The following PDZD2 variants were observed in gnomAD, a reference collection of about 807,000 sequenced individuals.
The protein encoded by PDZD2 is PDZ domain containing 2.
Under a neutral mutation model 220.7 loss-of-function variants are expected in PDZD2, and 90 were observed. That is an observed-to-expected ratio of 0.41 (90% CI 0.34 to 0.49). The LOEUF (loss-of-function observed/expected upper bound fraction) is 0.49. Ranked by LOEUF, PDZD2 falls within the 20% of genes least tolerant of loss-of-function variation. The pLI is 0.28. For missense variants in PDZD2, 3,174 were observed against 3,608.5 expected, an observed-to-expected ratio of 0.88 and a Z score of 3.08; for synonymous variants, 1,375 against 1,450.5, an observed-to-expected ratio of 0.95 and a Z score of 1.18.
At chr5:31,706,300 C>T (rs1230529481) in intron 1 of PDZD2, among the ~76,000 whole-genome samples, 1 of 152,118 alleles carries the variant, frequency 6.6e-6, no homozygotes, top group Admixed American at 6.6e-5. Flanking sequence ...ATAGGTTCAG[C>T]AAAGACCTCA....
In PDZD2 at chr5:32,110,437, A is replaced by AGAT. The variant is rs1222613904; in HGVS notation, c.*2303_*2305dup. The stretch of plus-strand genomic sequence containing the variant: ...GCTAAACTGTCTTTGACCCTAAGAT[A>AGAT]GATAGAAAGCTATTTATTTGTCTTC... On this transcript the variant is annotated 3_prime_UTR_variant, in exon 25 of 25. Coordinates refer to ENST00000438447, the MANE Select transcript of PDZD2 (RefSeq NM_178140.4). 1.3e-5 allele frequency: 2 copies of AGAT among 152,678 alleles called. No individual in the cohort carries two copies. The highest frequency in any genetic ancestry group is 2.1e-4 in the South Asian group (1 of 4,834). 9.5% of individuals were successfully genotyped at this position (152,678 alleles called of 1,614,324 possible).
intron 24 of PDZD2, among the ~76,000 whole-genome samples, chr5:32,102,374 CT>C (rs1481438553): frequency 6.6e-6 from 1 of 151,804 alleles, no homozygotes; most frequent in Non-Finnish European, 1.5e-5. Context: ...GGCCTGGGAC[CT>C]GCTCTTTTGC....
At position 31,972,775 on chromosome 5, in the gene PDZD2, AAG is replaced by A. The variant is rs1190733377; in HGVS notation, c.477-10379_477-10378del. Among the ~76,000 whole-genome samples, 16 of 152,288 alleles carry A rather than the reference AAG, an allele frequency of 1.1e-4. No individual in the cohort carries two copies. The South Asian group carries it at 2.9e-3, about 28-fold the overall frequency. On this transcript the variant is annotated intron_variant, in intron 2 of 24. Coordinates refer to ENST00000438447, the MANE Select transcript of PDZD2 (RefSeq NM_178140.4). Reference sequence around the variant, plus strand: ...GAGACTGACTCAATCATGTACAGCAAAGTCTGACTCCCACCACTCCCTGTTGT... The same window carrying A: ...GAGACTGACTCAATCATGTACAGCAATCTGACTCCCACCACTCCCTGTTGT...
At chr5:32,056,017 T>C (rs1739052410) in intron 10 of PDZD2, among the ~76,000 whole-genome samples, 1 of 152,262 alleles carries the variant, frequency 6.6e-6, no homozygotes, top group Non-Finnish European at 1.5e-5. Flanking sequence ...TTTTTTCATA[T>C]GTGTTCATTT....
chr5:31,729,811 CT>C (rs1348549152), intron 1 of PDZD2, among the ~76,000 whole-genome samples: 1 of 148,044 alleles, frequency 6.8e-6, no homozygotes, highest in Non-Finnish European at 1.5e-5. Context: ...AGAGTTACTT[CT>C]GTTGTTTTGT....
At chr5:31,852,013 C>T (rs1038264912) in intron 2 of PDZD2, among the ~76,000 whole-genome samples, 1 of 152,048 alleles carries the variant, frequency 6.6e-6, no homozygotes, top group East Asian at 1.9e-4. Context: ...CCCACCACCA[C>T]ACCTGGCTAA....
chr5:31,752,069 G>GTTTTTTT (rs1491302993), intron 1 of PDZD2, among the ~76,000 whole-genome samples: 9 of 95,848 alleles, frequency 9.4e-5, no homozygotes, highest in Admixed American at 1.5e-4. Context: ...ATTGTTTTGG[G>GTTTTTTT]TTTGTTTTTT....
At chr5:31,752,582 T>G (rs537388933) in intron 1 of PDZD2, among the ~76,000 whole-genome samples, 21 of 113,434 alleles carry the variant, frequency 1.9e-4, no homozygotes, top group South Asian at 1.5e-3. Flanking sequence ...AAAATAGGCG[T>G]TTTTTTTTCC....
rs189144993 is a variant in PDZD2 at position 32,102,458 on chromosome 5, C to T, written c.8353+1219C>T. Among the ~76,000 whole-genome samples the T allele has an allele frequency of 1.6e-3, 235 of 151,208 alleles. 2 individuals are homozygous for T. Among genetic ancestry groups the T allele is most frequent in the Admixed American group, 0.01 (152 of 15,184 alleles). ...GGATAGGCTGCCTGCTCCCAACGCC[C>T]GGAGCAAGCAGAAGACAGGCATAAA... is the stretch of plus-strand genomic sequence containing the variant. On this transcript the variant is annotated intron_variant, in intron 24 of 24. Coordinates refer to ENST00000438447, the MANE Select transcript of PDZD2 (RefSeq NM_178140.4).
intron 8 of PDZD2, among the ~76,000 whole-genome samples, chr5:32,048,890 C>G (rs1738240984): frequency 2.6e-5 from 4 of 152,116 alleles, no homozygotes; most frequent in Admixed American, 2.6e-4. Flanking sequence ...CATTGGATCT[C>G]AAAATGTTCA....
intron 2 of PDZD2, among the ~76,000 whole-genome samples, chr5:31,814,690 T>A (rs1157552387): frequency 6.7e-6 from 1 of 149,810 alleles, no homozygotes; most frequent in Non-Finnish European, 1.5e-5. Flanking sequence ...AGGTGGTGGG[T>A]GCCTGTAATC....
chr5:31,814,029 A>T (rs749400897), intron 2 of PDZD2, among the ~76,000 whole-genome samples: 2 of 152,222 alleles, frequency 1.3e-5, no homozygotes, highest in Non-Finnish European at 2.9e-5. Context: ...TTTTAAATAA[A>T]AAAGATTTTT....
In PDZD2 at chr5:32,035,354, A is replaced by C. The variant is rs185878058; in HGVS notation, c.1408-1877A>C. On this transcript the variant is annotated intron_variant, in intron 6 of 24. Transcript: ENST00000438447. ...CGGCTCACTGCAACCTGCGCCTCCC[A>C]GGTTCAAGTGATTCTCCAGCCTTAG... is the stretch of plus-strand genomic sequence containing the variant. Among the ~76,000 whole-genome samples, 26 of 151,750 alleles carry C rather than the reference A, an allele frequency of 1.7e-4. No homozygotes were observed. The East Asian group carries it at 4.8e-3, about 28-fold the overall frequency.
rs1017643506 is a variant in PDZD2 at position 32,090,831 on chromosome 5, T to C, written c.7383T>C (p.Pro2461=). 1.5e-5 allele frequency: 25 copies of C among 1,614,070 alleles called. No individual in the cohort carries two copies. The highest frequency in any genetic ancestry group is 1.9e-5 in the Non-Finnish European group (23 of 1,180,008). ...IPTPTMTLAS[P]VKRNKSSVRH... is the part of the protein sequence containing the mutation. ...CCCCAACGATGACCCTGGCTTCTCCTGTTAAGAGGAACAAGTCCTCGGTAC... is the reference window on the plus strand; with the variant it reads ...CCCCAACGATGACCCTGGCTTCTCCCGTTAAGAGGAACAAGTCCTCGGTAC... The change falls in exon 20 of 25, where the codon CCT becomes CCC. Residue 2461 remains proline, a synonymous_variant. Coordinates refer to ENST00000438447, the MANE Select transcript of PDZD2 (RefSeq NM_178140.4). The surrounding 1 kb of genome is among the most constrained non-coding windows in gnomAD (Gnocchi z 4.3).
intron 3 of PDZD2, among the ~76,000 whole-genome samples, chr5:31,985,248 A>G (rs1750622127): frequency 6.6e-6 from 1 of 152,244 alleles, no homozygotes; most frequent in East Asian, 1.9e-4. Flanking sequence ...GTGCATACAC[A>G]GAAAGCCTAA....
rs570579339 is a variant in PDZD2, at chr5:31,905,527, T to G, written c.477-77628T>G. ...TTTTCCCCTCTGGGGTGGAGTTCAG[T>G]TTACCACTGGAAGATGTTCACATTT... On this transcript the variant is annotated intron_variant, in intron 2 of 24. Coordinates refer to ENST00000438447, the MANE Select transcript of PDZD2 (RefSeq NM_178140.4). 1.4e-3 allele frequency among the ~76,000 whole-genome samples: 210 copies of G among 152,328 alleles called. 1 individual carries two copies. The highest frequency in any genetic ancestry group is 4.8e-3 in the African/African-American group (199 of 41,574).
intron 3 of PDZD2, among the ~76,000 whole-genome samples, chr5:31,984,494 A>G (rs1287267209): frequency 2.0e-5 from 3 of 152,204 alleles, no homozygotes; most frequent in Admixed American, 1.3e-4. Flanking sequence ...CTGACTCAGG[A>G]GATGCCCCTT....
chr5:31,929,353 T>A (rs1389967519), intron 2 of PDZD2, among the ~76,000 whole-genome samples: 1 of 152,244 alleles, frequency 6.6e-6, no homozygotes, highest in Non-Finnish European at 1.5e-5. Flanking sequence ...TACAGATCAT[T>A]CTTTGTGGGA....
chr5:31,977,982 A>T (rs1404648265), intron 2 of PDZD2, among the ~76,000 whole-genome samples: 1 of 152,178 alleles, frequency 6.6e-6, no homozygotes, highest in Non-Finnish European at 1.5e-5. Flanking sequence ...TCTTAAAGAG[A>T]ACTACAATAG....
Sources: gnomAD v4.1 joint callset for allele counts (sites outside exome capture counted in the v4.1 genomes callset) on GRCh38, gnomAD v4.1.1 for gene constraint, Gnocchi (gnomAD v3.1) non-coding constraint, MANE v1.5 for transcripts, NCBI Gene and HGNC (gene_info 2026-07-23, HGNC 2026-07-21) for gene names.